ARL8B: variants seen among roughly 807,000 people sequenced by gnomAD.
ARL8B encodes the protein ARF like GTPase 8B, also known as ADP-ribosylation factor-like protein 8B.
A neutral mutation model predicts 30.6 loss-of-function variants in ARL8B; 9 were observed. The ratio of observed to expected loss-of-function variants is 0.29; its 90% CI spans 0.18 to 0.51. The LOEUF is 0.51. Ranked by LOEUF, ARL8B falls within the 20% of genes least tolerant of loss-of-function variation. The pLI, the probability that ARL8B is intolerant of heterozygous loss-of-function variation, is 0.97. For missense variants in ARL8B, 130 were observed against 227.2 expected, an observed-to-expected ratio of 0.57 and a Z score of 2.75; for synonymous variants, 74 against 76.0, an observed-to-expected ratio of 0.97 and a Z score of 0.14.
At chr3:5,177,045 A>G (rs1161781262) in intron 6 of ARL8B, among the ~76,000 whole-genome samples, 3 of 152,146 alleles carry the variant, frequency 2.0e-5, no homozygotes, top group Non-Finnish European at 4.4e-5. Context: ...TTTTTAGTCC[A>G]TTGTGCTATT....
chr3:5,172,805 G>A, intron 4 of ARL8B, 65 bp downstream of exon 4: 1 of 1,029,578 alleles, frequency 9.7e-7, no homozygotes, highest in Non-Finnish European at 1.5e-6. Context: ...TGGTAATTAT[G>A]CAGTGATATT....
At chr3:5,137,244 C>G (rs2054335249) in intron 1 of ARL8B, among the ~76,000 whole-genome samples, 1 of 151,780 alleles carries the variant, frequency 6.6e-6, no homozygotes, top group African/African-American at 2.4e-5. Context: ...AATGAGTACT[C>G]CTTAGGTGGT....
chr3:5,178,089 C>T (rs1005026529), intron 6 of ARL8B, among the ~76,000 whole-genome samples: 6 of 152,204 alleles, frequency 3.9e-5, no homozygotes, highest in African/African-American at 1.4e-4. Context: ...ATTACCCAGC[C>T]CCAGATGTCA....
At chr3:5,158,305 G>T (rs925950385) in intron 1 of ARL8B, among the ~76,000 whole-genome samples, 3 of 152,110 alleles carry the variant, frequency 2.0e-5, no homozygotes, top group Admixed American at 2.0e-4. Context: ...TCTGTCCAGG[G>T]TTTTAGTTGT....
intron 1 of ARL8B, among the ~76,000 whole-genome samples, chr3:5,161,878 A>G (rs991676140): frequency 2.0e-5 from 3 of 152,164 alleles, no homozygotes; most frequent in Admixed American, 6.5e-5. Context: ...TTTGCATAGC[A>G]TATATTTATT....
intron 1 of ARL8B, among the ~76,000 whole-genome samples, chr3:5,144,095 C>G (rs534579129): frequency 2.8e-4 from 42 of 152,298 alleles, no homozygotes; most frequent in African/African-American, 9.9e-4. Flanking sequence ...GTAAACCTTC[C>G]ATAATTCCCC....
chr3:5,124,608 A>G (rs1360051715), intron 1 of ARL8B, among the ~76,000 whole-genome samples: 1 of 152,020 alleles, frequency 6.6e-6, no homozygotes, highest in Admixed American at 6.6e-5. Context: ...CTGGGACTAC[A>G]GGCATGTGCT....
At chr3:5,125,396 G>T (rs994264085) in intron 1 of ARL8B, among the ~76,000 whole-genome samples, 1 of 152,144 alleles carries the variant, frequency 6.6e-6, no homozygotes, top group Non-Finnish European at 1.5e-5. Context: ...GGCTGCAGTA[G>T]TGGATTTATG....
chr3:5,171,273 C>G (rs965158378), intron 2 of ARL8B, among the ~76,000 whole-genome samples: 2 of 152,064 alleles, frequency 1.3e-5, no homozygotes, highest in African/African-American at 2.4e-5. Flanking sequence ...AGCCCAGTGT[C>G]TAGTGTGATG....
At chr3:5,151,659 A>G (rs2054484937) in intron 1 of ARL8B, among the ~76,000 whole-genome samples, 1 of 152,080 alleles carries the variant, frequency 6.6e-6, no homozygotes, top group African/African-American at 2.4e-5. Context: ...GTGAAAGAAC[A>G]TACTTTGTAT....
intron 1 of ARL8B, among the ~76,000 whole-genome samples, chr3:5,136,165 C>T (rs909805518): frequency 8.6e-5 from 13 of 151,984 alleles, no homozygotes; most frequent in African/African-American, 2.9e-4. Context: ...AGTGTAGTGG[C>T]GTGATCTTGG....
chr3:5,174,738 ATG>A (rs1224181376), intron 6 of ARL8B, among the ~76,000 whole-genome samples: 2 of 115,914 alleles, frequency 1.7e-5, no homozygotes, highest in African/African-American at 7.9e-5. Flanking sequence ...TGTAATATAT[ATG>A]TAATATATAA....
chr3:5,144,314 T>C (rs190366226), intron 1 of ARL8B, among the ~76,000 whole-genome samples: 7 of 152,374 alleles, frequency 4.6e-5, no homozygotes, highest in African/African-American at 7.2e-5. Flanking sequence ...CTGTGAAATT[T>C]ATTTGAATGC....
In ARL8B at chr3:5,132,340, C is replaced by T. The variant is rs571488768; in HGVS notation, c.123+9752C>T. Among the ~76,000 whole-genome samples the T allele has an allele frequency of 3.3e-5, 5 of 152,214 alleles. No individual in the cohort carries two copies. In the South Asian group the frequency reaches 1.0e-3, roughly 32 times the overall value. On this transcript the variant is annotated intron_variant, in intron 1 of 6. Transcript: ENST00000256496. Reference sequence around the variant, plus strand: ...CGCGATCTCGGCTCACTACAACCTCCGCCTCCCTGGTTCAAGTGATTCTCC... The same window carrying T: ...CGCGATCTCGGCTCACTACAACCTCTGCCTCCCTGGTTCAAGTGATTCTCC...
chr3:5,168,570 T>C (rs2054643594), intron 1 of ARL8B, among the ~76,000 whole-genome samples: 1 of 152,142 alleles, frequency 6.6e-6, no homozygotes, highest in Non-Finnish European at 1.5e-5. Context: ...AGCTCGGGGG[T>C]ACCCCAGTAT....
At chr3:5,166,462 G>A (rs1180530199) in intron 1 of ARL8B, among the ~76,000 whole-genome samples, 1 of 149,616 alleles carries the variant, frequency 6.7e-6, no homozygotes, top group Non-Finnish European at 1.5e-5. Flanking sequence ...ATCAGCTTCC[G>A]GAGTAGCTGG....
chr3:5,139,440 A>C (rs2054353548), intron 1 of ARL8B, among the ~76,000 whole-genome samples: 1 of 152,188 alleles, frequency 6.6e-6, no homozygotes, highest in South Asian at 2.1e-4. Context: ...GGTAGAAAAG[A>C]GCTGATAAGG....
In ARL8B at chr3:5,169,305, TTGTGTGTGTGTG is replaced by T. The variant is rs10575722; in HGVS notation, c.124-1171_124-1160del. 2.4e-3 allele frequency among the ~76,000 whole-genome samples: 338 copies of T among 142,980 alleles called. 1 individual carries two copies. Among genetic ancestry groups the T allele is most frequent in the African/African-American group, 6.6e-3 (256 of 38,590 alleles). 93.8% of individuals were successfully genotyped at this position (142,980 alleles called of 152,430 possible). ...TACCTCATAAAGTGAAATACAGTGT[TTGTGTGTGTGTG>T]TGTGTGTGTGTGTGTGTGTGTGTGT... On this transcript the variant is annotated intron_variant, in intron 1 of 6. Coordinates refer to ENST00000256496, the MANE Select transcript of ARL8B (RefSeq NM_018184.3).
intron 1 of ARL8B, among the ~76,000 whole-genome samples, chr3:5,147,679 AAG>A (rs1162324155): frequency 2.0e-5 from 3 of 152,038 alleles, no homozygotes; most frequent in Non-Finnish European, 4.4e-5. Context: ...TGTCCTTACA[AAG>A]ACCTTCTGAG....
Sources: allele counts gnomAD v4.1 joint callset (sites outside exome capture counted in the v4.1 genomes callset), GRCh38; gene constraint gnomAD v4.1.1; transcripts MANE v1.5; gene names NCBI Gene and HGNC (gene_info 2026-07-23, HGNC 2026-07-21).